Variants in SHLD2 observed in about 807,000 individuals in gnomAD.
SHLD2 encodes shieldin complex subunit 2.
Under a neutral mutation model 73.2 loss-of-function variants are expected in SHLD2, and 30 were observed. The observed-to-expected ratio is 0.41, with a 90% CI of 0.31 to 0.56. The LOEUF (loss-of-function observed/expected upper bound fraction) is 0.56. Ranked by LOEUF, SHLD2 falls within the 20% of genes least tolerant of loss-of-function variation. The probability of loss-of-function intolerance (pLI) is 0.28; values close to 1 mark genes in which losing one functional copy is unlikely to be tolerated. For missense variants in SHLD2, 745 were observed against 1,055.9 expected (o/e 0.71, Z 4.08); for synonymous variants, 285 against 370.1 (o/e 0.77, Z 2.64).
At chr10:87,136,676 C>T (rs1034759778) in intron 2 of SHLD2, among the ~76,000 whole-genome samples, 4 of 151,856 alleles carry the variant, frequency 2.6e-5, no homozygotes, top group Admixed American at 1.3e-4. Flanking sequence ...CCTGCCCTTG[C>T]TTATCTAAAA....
intron 4 of SHLD2, among the ~76,000 whole-genome samples, chr10:87,165,752 T>C (rs1481692731): frequency 6.6e-6 from 1 of 152,222 alleles, no homozygotes; most frequent in Non-Finnish European, 1.5e-5. Flanking sequence ...TGATAAAATT[T>C]AAATAACATC....
chr10:87,103,134 C>G (rs949279251), intron 2 of SHLD2, among the ~76,000 whole-genome samples: 1 of 150,934 alleles, frequency 6.6e-6, no homozygotes, highest in East Asian at 1.9e-4. Flanking sequence ...CACTTGAACC[C>G]GGGAGGCAGA....
intron 2 of SHLD2, among the ~76,000 whole-genome samples, chr10:87,097,342 C>G (rs186527747): frequency 6.6e-6 from 1 of 152,308 alleles, no homozygotes; most frequent in African/African-American, 2.4e-5. Flanking sequence ...GGGCGGATCA[C>G]TTGAGGTCAG....
At chr10:87,153,730 G>A (rs1185649329) in intron 3 of SHLD2, among the ~76,000 whole-genome samples, 14 of 152,074 alleles carry the variant, frequency 9.2e-5, no homozygotes, top group Non-Finnish European at 1.3e-4. Flanking sequence ...TATGAGGAAG[G>A]TACTGATTTT....
upstream of SHLD2, chr10:87,094,666 C>T (rs552066337): frequency 8.4e-4 from 1,315 of 1,565,594 alleles, 20 homozygotes; most frequent in South Asian, 0.014. The surrounding 1 kb of genome is among the most constrained non-coding windows in gnomAD (Gnocchi z 6.6). Flanking sequence ...GGCGGGCTGT[C>T]CCCGGGCCCA....
intron 4 of SHLD2, among the ~76,000 whole-genome samples, chr10:87,162,173 C>T (rs1589609445): frequency 6.6e-6 from 1 of 152,140 alleles, no homozygotes; most frequent in Non-Finnish European, 1.5e-5. Flanking sequence ...AGAAAGAAAC[C>T]TGAATGAATC....
chr10:87,114,589 G>T (rs1186581814), intron 2 of SHLD2: 4 of 152,176 alleles, frequency 2.6e-5, no homozygotes, highest in African/African-American at 9.7e-5. Flanking sequence ...GCCAGGCATG[G>T]TCGTGGGTGC....
chr10:87,151,898 T>C lies in SHLD2; in HGVS notation c.544T>C (p.Cys182Arg), dbSNP rs148112938. The change falls in exon 3 of 10, where the codon TGT (cysteine) becomes CGT (arginine). Residue 182 changes from cysteine (C) to arginine (R), a missense_variant. Physicochemically the swap from Cys to Arg is radical, Grantham distance 180 (BLOSUM62 -3). Transcript: ENST00000298786. ...ATGTGCAGCTGTGTTGGATTTGGTT[T>C]GTAGTACTGAAAAAATTAATATAGG... ...HKCAAVLDLV[C>R]STEKINIGPE... 1.1e-5 allele frequency: 17 copies of C among 1,611,344 alleles called. No individual in the cohort carries two copies. The highest frequency in any genetic ancestry group is 1.4e-5 in the Non-Finnish European group (17 of 1,179,544).
intron 2 of SHLD2, among the ~76,000 whole-genome samples, chr10:87,132,944 T>A (rs890314957): frequency 6.6e-6 from 1 of 152,216 alleles, no homozygotes. Context: ...GTTAATCTTA[T>A]TCATTGTTGT....
In SHLD2 at chr10:87,160,786, T is replaced by C. The variant is rs561177365; in HGVS notation, c.1633+2631T>C. 1.4e-4 allele frequency among the ~76,000 whole-genome samples: 21 copies of C among 152,128 alleles called. No individual in the cohort carries two copies. In the East Asian group the frequency reaches 1.6e-3, roughly 11 times the overall value. On this transcript the variant is annotated intron_variant, in intron 4 of 9. Coordinates refer to ENST00000298786, the MANE Select transcript of SHLD2 (RefSeq NM_001330112.2). ...GGGCGGATCACTTGAGGCCAGGAGTTTGGGACCAGCCTGGCCAACATAGCA... is the reference window on the plus strand; with the variant it reads ...GGGCGGATCACTTGAGGCCAGGAGTCTGGGACCAGCCTGGCCAACATAGCA...
chr10:87,159,281 T>C (rs891090707), intron 4 of SHLD2, among the ~76,000 whole-genome samples: 13 of 152,194 alleles, frequency 8.5e-5, no homozygotes, highest in Non-Finnish European at 8.8e-5. Context: ...CATTATATAC[T>C]AGGGTGGCCC....
intron 2 of SHLD2, among the ~76,000 whole-genome samples, chr10:87,139,506 G>A (rs1845028795): frequency 6.6e-6 from 1 of 152,030 alleles, no homozygotes; most frequent in Admixed American, 6.6e-5. Context: ...TAATTCTGAT[G>A]ATTGAATTAT....
chr10:87,126,830 AACAGT>A (rs1210487894), intron 2 of SHLD2, among the ~76,000 whole-genome samples: 2 of 152,232 alleles, frequency 1.3e-5, no homozygotes, highest in East Asian at 3.8e-4. Flanking sequence ...TCTCCATTGA[AACAGT>A]ATGGTTTGAA....
intron 3 of SHLD2, among the ~76,000 whole-genome samples, chr10:87,157,312 TACATTATTTC>T (rs1337341199): frequency 6.6e-6 from 1 of 152,218 alleles, no homozygotes; most frequent in African/African-American, 2.4e-5. Context: ...CTATTATCTC[TACATTATTTC>T]ACTATTGTTA....
chr10:87,114,399 A>G (rs1223951020), intron 2 of SHLD2: 1 of 152,212 alleles, frequency 6.6e-6, no homozygotes, highest in East Asian at 1.9e-4. Flanking sequence ...CTGGATTGGT[A>G]GGGACAAGGT....
intron 2 of SHLD2, among the ~76,000 whole-genome samples, chr10:87,100,512 C>G (rs1036003028): frequency 4.7e-5 from 7 of 148,942 alleles, no homozygotes; most frequent in Admixed American, 2.7e-4. Context: ...GAGTCTCACT[C>G]TGTTGCCCAG....
chr10:87,141,487 G>A (rs1167637908), intron 2 of SHLD2, among the ~76,000 whole-genome samples: 34 of 151,964 alleles, frequency 2.2e-4, no homozygotes, highest in Non-Finnish European at 4.4e-4. Context: ...GATTACAGGC[G>A]CGTGCCACCA....
At chr10:87,146,124 A>AT (rs1249290530) in intron 2 of SHLD2, among the ~76,000 whole-genome samples, 1 of 151,874 alleles carries the variant, frequency 6.6e-6, no homozygotes, top group Non-Finnish European at 1.5e-5. Flanking sequence ...TTCTAGTCAA[A>AT]TTTTTTTTGG....
At chr10:87,182,551 A>G (rs187091043) in intron 8 of SHLD2, among the ~76,000 whole-genome samples, 128 of 152,382 alleles carry the variant, frequency 8.4e-4, no homozygotes, top group Middle Eastern at 3.4e-3. Flanking sequence ...TCTTCAAGCT[A>G]TCATAAAACT....
Sources: allele counts gnomAD v4.1 joint callset (sites outside exome capture counted in the v4.1 genomes callset), GRCh38; gene constraint gnomAD v4.1.1; non-coding constraint Gnocchi (gnomAD v3.1); transcripts MANE v1.5; gene names NCBI Gene and HGNC (gene_info 2026-07-23, HGNC 2026-07-21).